Variants in ZNF317 observed in about 807,000 individuals in gnomAD.
The protein encoded by ZNF317 is KRAB-containing zinc finger protein 317.
ZNF317 carries 17 observed loss-of-function variants against 23.4 expected under a neutral mutation model. The ratio of observed to expected loss-of-function variants is 0.73; its 90% confidence interval spans 0.50 to 1.09. The LOEUF (loss-of-function observed/expected upper bound fraction) is 1.09. Ranked by LOEUF, ZNF317 falls within the 50% of genes least tolerant of loss-of-function variation. The pLI, the probability that ZNF317 is intolerant of heterozygous loss-of-function variation, is 0.00. For missense variants in ZNF317, 679 were observed against 796.7 expected (o/e 0.85, Z 1.78); for synonymous variants, 317 against 314.9 (o/e 1.01, Z -0.07).
At chr19:9,142,259 A>G (rs539647279) in intron 1 of ZNF317, among the ~76,000 whole-genome samples, 2 of 152,354 alleles carry the variant, frequency 1.3e-5, no homozygotes, top group Non-Finnish European at 2.9e-5. Flanking sequence ...ACAATTCAAA[A>G]GGAAAATACA....
rs200670523 is a variant in ZNF317 at position 9,158,948 on chromosome 19, G to A, written c.468+40G>A. 547 of 1,431,414 alleles carry A rather than the reference G, an allele frequency of 3.8e-4. No homozygotes were observed. The African/African-American group carries it at 6.0e-3, about 16-fold the overall frequency. The allele number at this position is 1,431,414 out of a possible 1,614,324, so 88.7% of individuals were successfully genotyped here. A position where few individuals can be genotyped will look rare whatever the true frequency, so the allele number is the denominator to read the frequency against. On this transcript the variant is annotated intron_variant, in intron 6 of 6. Coordinates refer to ENST00000247956, the MANE Select transcript of ZNF317 (RefSeq NM_020933.5). ...GGATAATTCTGGATCTTCCTTCCAC[G>A]TCTGAGGAGACTGGGGCAGCCTAGG...
chr19:9,161,394 G>A lies in ZNF317; in HGVS notation c.1749G>A (p.Glu583=). The part of the protein sequence containing the change: ...LRSHVKTHRG[E]KLFVSSVWKR... ...GCCACGTGAAAACTCACCGGGGAGA[G>A]AAGCTCTTTGTGTCATCCGTGTGGA... The change falls in exon 7 of 7, where the codon GAG becomes GAA. Residue 583 remains glutamate, a synonymous_variant. Transcript: ENST00000247956. The surrounding 1 kb of genome is among the most constrained non-coding windows in gnomAD (Gnocchi z 4.0). 6.2e-7 allele frequency: 1 copy of A among 1,613,968 alleles called. No individual in the cohort carries two copies. The highest frequency in any genetic ancestry group is 8.5e-7 in the Non-Finnish European group (1 of 1,179,842).
In ZNF317 at chr19:9,155,666, G is replaced by A. The variant is rs146811847; in HGVS notation, c.-92-259G>A. Among the ~76,000 whole-genome samples, 788 of 152,224 alleles carry A rather than the reference G, an allele frequency of 5.2e-3. 9 individuals carry two copies. Among genetic ancestry groups the A allele is most frequent in the Middle Eastern group, 0.031 (9 of 294 alleles). On this transcript the variant is annotated intron_variant, in intron 1 of 6. Transcript: ENST00000247956. Reference sequence around the variant, plus strand: ...GACCAGAGTGTTTAATGAGTGAGGGGGTTTAACAGAGTTGTACTTGGTGGA... The same window carrying A: ...GACCAGAGTGTTTAATGAGTGAGGGAGTTTAACAGAGTTGTACTTGGTGGA...
chr19:9,140,522 C>A lies in ZNF317; in HGVS notation c.-163C>A, dbSNP rs1439816910. On this transcript the variant is annotated 5_prime_UTR_variant, in exon 1 of 7. Transcript: ENST00000247956. The stretch of plus-strand genomic sequence containing the variant: ...GTGTCCCCACGCCAGACTGGACCTC[C>A]CGTATGAACTTCTCTTCGCATCGGC... 2.2e-6 allele frequency: 1 copy of A among 456,558 alleles called. No homozygotes were observed. The highest frequency in any genetic ancestry group is 6.9e-5 in the East Asian group (1 of 14,396). The allele number at this position is 456,558 out of a possible 1,614,324, so 28.3% of individuals were successfully genotyped here.
At chr19:9,158,133 G>A (rs898772432) in intron 5 of ZNF317, 58 bp downstream of exon 5, 2 of 1,502,230 alleles carry the variant, frequency 1.3e-6, no homozygotes, top group Non-Finnish European at 1.8e-6. Context: ...CAGTGACTGG[G>A]GTGGAGGGAG....
intron 1 of ZNF317, among the ~76,000 whole-genome samples, chr19:9,154,700 G>A (rs1412025659): frequency 6.6e-6 from 1 of 152,174 alleles, no homozygotes; most frequent in African/African-American, 2.4e-5. Context: ...AGTCTTTGTG[G>A]ATATAAATTG....
In ZNF317 at chr19:9,160,491, G is replaced by A. The variant is rs202166254; in HGVS notation, c.846G>A (p.Gln282=). The change falls in exon 7 of 7, where the codon CAG becomes CAA. Residue 282 remains glutamine, a synonymous_variant. Coordinates refer to ENST00000247956, the MANE Select transcript of ZNF317 (RefSeq NM_020933.5). The surrounding 1 kb of genome is among the most constrained non-coding windows in gnomAD (Gnocchi z 6.8). ...AAGAGAAGCCCTTTGACTGCAGTCA[G>A]TGTGGAAATGCATTCCGGACCCTCT... ...HLKEKPFDCS[Q]CGNAFRTLSA... The A allele has an allele frequency of 2.7e-4, 441 of 1,614,156 alleles. 3 individuals are homozygous for A. In the South Asian group the frequency reaches 4.6e-3, roughly 17 times the overall value.
intron 4 of ZNF317, 119 bp from the exon 5 acceptor site, chr19:9,157,861 C>T (rs1013011628): frequency 5.6e-6 from 8 of 1,418,104 alleles, no homozygotes; most frequent in African/African-American, 1.5e-5. Context: ...TTTTGCTGCT[C>T]CTAAGTCAGA....
chr19:9,159,199 C>T (rs970247347), intron 6 of ZNF317, among the ~76,000 whole-genome samples: 6 of 152,156 alleles, frequency 3.9e-5, no homozygotes, highest in Admixed American at 3.3e-4. Flanking sequence ...ACTTACTTAT[C>T]AATTTAGTTT....
At chr19:9,156,975 C>A in intron 3 of ZNF317, 1 of 655,118 alleles carries the variant, frequency 1.5e-6, no homozygotes, top group Non-Finnish European at 2.5e-6. Flanking sequence ...GGCCCTTGCT[C>A]AGCCCCAGAG....
rs1485444620 is a variant in ZNF317 at position 9,140,496 on chromosome 19, C to G, written c.-189C>G. ...TTCTTTCGGCCTGTTGGGGACCCCTCGTGTCCCCACGCCAGACTGGACCTC... is the reference window on the plus strand; with the variant it reads ...TTCTTTCGGCCTGTTGGGGACCCCTGGTGTCCCCACGCCAGACTGGACCTC... On this transcript the variant is annotated 5_prime_UTR_variant, in exon 1 of 7. Transcript: ENST00000247956. 2.2e-6 allele frequency: 1 copy of G among 456,594 alleles called. No individual in the cohort carries two copies. The highest frequency in any genetic ancestry group is 7.0e-5 in the East Asian group (1 of 14,356). The allele number at this position is 456,594 out of a possible 1,614,324, so 28.3% of individuals were successfully genotyped here. A position where few individuals can be genotyped will look rare whatever the true frequency, so the allele number is the denominator to read the frequency against.
intron 1 of ZNF317, among the ~76,000 whole-genome samples, chr19:9,143,327 C>T (rs956492346): frequency 2.0e-5 from 3 of 152,054 alleles, no homozygotes; most frequent in South Asian, 2.1e-4. Context: ...GATTGAACCA[C>T]TTTATGATAT....
In ZNF317 at chr19:9,161,615, A is replaced by C. The variant is rs182973801; in HGVS notation, c.*182A>C. 4.8e-6 allele frequency: 4 copies of C among 838,022 alleles called. No individual in the cohort carries two copies. The African/African-American group carries it at 5.1e-5, about 11-fold the overall frequency. 51.9% of individuals were successfully genotyped at this position (838,022 alleles called of 1,614,324 possible). A position where few individuals can be genotyped will look rare whatever the true frequency, so the allele number is the denominator to read the frequency against. The stretch of plus-strand genomic sequence containing the variant: ...TCTCATCCCATAGGAGGTTTGTGAG[A>C]ACTCACGCCGGGGGTGAAAATGTAC... On this transcript the variant is annotated 3_prime_UTR_variant, in exon 7 of 7. Coordinates refer to ENST00000247956, the MANE Select transcript of ZNF317 (RefSeq NM_020933.5). The surrounding 1 kb of genome is among the most constrained non-coding windows in gnomAD (Gnocchi z 4.0).
intron 4 of ZNF317, 45 bp from the exon 5 acceptor site, chr19:9,157,935 C>G (rs1240269083): frequency 1.9e-6 from 3 of 1,541,800 alleles, no homozygotes; most frequent in Admixed American, 4.0e-5. Flanking sequence ...AGGGGTTGTC[C>G]TCTGCATGGC....
In ZNF317 at chr19:9,163,337, G is replaced by A. The variant is rs1164858417; in HGVS notation, c.*1904G>A. On this transcript the variant is annotated 3_prime_UTR_variant, in exon 7 of 7. Coordinates refer to ENST00000247956, the MANE Select transcript of ZNF317 (RefSeq NM_020933.5). ...CCCTGGCCTCCCCTGTGGCCTCTTTGAGTGTCTGCAGCAGCCCTGGACTTC... is the reference window on the plus strand; with the variant it reads ...CCCTGGCCTCCCCTGTGGCCTCTTTAAGTGTCTGCAGCAGCCCTGGACTTC... 6.6e-6 allele frequency: 1 copy of A among 152,224 alleles called. No homozygotes were observed. The highest frequency in any genetic ancestry group is 2.4e-5 in the African/African-American group (1 of 41,456). The allele number at this position is 152,224 out of a possible 1,614,324, so 9.4% of individuals were successfully genotyped here. A position where few individuals can be genotyped will look rare whatever the true frequency, so the allele number is the denominator to read the frequency against.
intron 1 of ZNF317, among the ~76,000 whole-genome samples, chr19:9,147,336 T>TG: frequency 1.9e-5 from 1 of 52,088 alleles, no homozygotes; most frequent in South Asian, 4.4e-4. Context: ...ACTGGTTTTT[T>TG]TTTTTTTTTT....
Position 9,160,404 on chromosome 19 carries a change from C to A in ZNF317, c.759C>A (p.Ser253Arg). The change falls in exon 7 of 7, where the codon AGC becomes AGA. Residue 253 changes from serine (S) to arginine (R), a missense_variant. Coordinates refer to ENST00000247956, the MANE Select transcript of ZNF317 (RefSeq NM_020933.5). This position sits in a 1 kb window ranked among gnomAD's most constrained non-coding sequence, Gnocchi z 6.8. Reference protein sequence around the residue: ...IHTGEKPYECSDCGKAFNDPS... With the variant: ...IHTGEKPYECRDCGKAFNDPS... ...CCGGGGAGAAGCCTTACGAGTGCAGCGACTGCGGGAAAGCCTTCAACGACC... is the reference window on the plus strand; with the variant it reads ...CCGGGGAGAAGCCTTACGAGTGCAGAGACTGCGGGAAAGCCTTCAACGACC... 1 of 1,614,066 alleles carries A rather than the reference C, an allele frequency of 6.2e-7. No individual in the cohort carries two copies. Among genetic ancestry groups the A allele is most frequent in the South Asian group, 1.1e-5 (1 of 91,076 alleles).
chr19:9,158,768 C>T (rs2050815643), intron 5 of ZNF317, 58 bp from the exon 6 acceptor site: 2 of 1,117,768 alleles, frequency 1.8e-6, no homozygotes, highest in Admixed American at 1.7e-5. Context: ...CTGTCATTGT[C>T]ACCATCATCC....
In ZNF317 at chr19:9,158,047, G is replaced by A. The variant is rs2050804988; in HGVS notation, c.357G>A (p.Glu119=). The A allele has an allele frequency of 6.4e-7, 1 of 1,551,372 alleles. No individual in the cohort carries two copies. Among genetic ancestry groups the A allele is most frequent in the Non-Finnish European group, 8.7e-7 (1 of 1,146,940 alleles). ...AGGAGGAGGAGCCGAGGACAGAGGA[G>A]AGGGGCGCTCACCAGGGCGCTTGTG... ...LEQEEEPRTE[E]RGAHQGACAD... Residue 119 remains glutamate, a synonymous_variant, in exon 5 of 7, where the codon GAG becomes GAA. Coordinates refer to ENST00000247956, the MANE Select transcript of ZNF317 (RefSeq NM_020933.5).
Sources: allele counts gnomAD v4.1 joint callset (sites outside exome capture counted in the v4.1 genomes callset), GRCh38; gene constraint gnomAD v4.1.1; non-coding constraint Gnocchi (gnomAD v3.1); transcripts MANE v1.5; gene names NCBI Gene and HGNC (gene_info 2026-07-23, HGNC 2026-07-21).